SENP7: variants seen among roughly 807,000 people sequenced by gnomAD.
SENP7 encodes the protein SUMO specific peptidase 7, also known as sentrin-specific protease 7.
In SENP7, 64 loss-of-function variants were observed where a neutral mutation model predicts 141.2. The ratio of observed to expected loss-of-function variants is 0.45; its 90% CI spans 0.37 to 0.56. The LOEUF (loss-of-function observed/expected upper bound fraction) is 0.56. Among genes scored for constraint, SENP7 ranks in the 20% least tolerant of loss-of-function variants. The pLI is 0.00. For missense variants in SENP7, 1,025 were observed against 1,212.2 expected, an observed-to-expected ratio of 0.85 and a Z score of 2.29; for synonymous variants, 382 against 426.4, an observed-to-expected ratio of 0.90 and a Z score of 1.28.
At chr3:101,371,951 A>G (rs937209560) in intron 7 of SENP7, 57 bp downstream of exon 7, 2 of 623,748 alleles carry the variant, frequency 3.2e-6, no homozygotes, top group Non-Finnish European at 2.5e-6. Flanking sequence ...AACAAAAATT[A>G]TTATTAATAC....
chr3:101,501,046 G>A (rs781012869), intron 2 of SENP7, 24 bp downstream of exon 2: 52 of 1,541,076 alleles, frequency 3.4e-5, no homozygotes, highest in Non-Finnish European at 4.3e-5. Flanking sequence ...AAGATAATAG[G>A]TTAAAAGCAA....
Position 101,372,090 on chromosome 3 carries a change from A to G in SENP7, c.714T>C (p.Ser238=). The G allele has an allele frequency of 6.4e-7, 1 of 1,568,778 alleles. No homozygotes were observed. The highest frequency in any genetic ancestry group is 8.7e-7 in the Non-Finnish European group (1 of 1,150,512). The change falls in exon 7 of 24, where the codon TCT becomes TCC. Residue 238 remains serine, a synonymous_variant. Transcript: ENST00000394095. ...SQRSKTVDDN[S]AKQTAHNKEK... Reference sequence around the variant, plus strand: ...CTTTATTGTGCGCAGTCTGCTTTGCAGAATTGTCATCTACTGTCTTACTTC... The same window carrying G: ...CTTTATTGTGCGCAGTCTGCTTTGCGGAATTGTCATCTACTGTCTTACTTC...
intron 1 of SENP7, among the ~76,000 whole-genome samples, chr3:101,504,840 G>A (rs1576551486): frequency 6.6e-6 from 1 of 152,090 alleles, no homozygotes; most frequent in South Asian, 2.1e-4. Context: ...ACCACATGGT[G>A]AGACCCTGTC....
At chr3:101,402,914 G>A (rs1272226546) in intron 5 of SENP7, among the ~76,000 whole-genome samples, 1 of 152,166 alleles carries the variant, frequency 6.6e-6, no homozygotes, top group Non-Finnish European at 1.5e-5. Context: ...GGATCAAGAA[G>A]TAATTTCAAG....
chr3:101,387,851 A>G (rs1329986774), intron 6 of SENP7, among the ~76,000 whole-genome samples: 2 of 152,204 alleles, frequency 1.3e-5, no homozygotes, highest in Admixed American at 6.5e-5. Flanking sequence ...GAGCACATGT[A>G]TTGTCAGGGG....
intron 5 of SENP7, among the ~76,000 whole-genome samples, chr3:101,415,044 A>AG (rs1277026587): frequency 2.6e-5 from 4 of 152,364 alleles, no homozygotes; most frequent in African/African-American, 9.6e-5. Flanking sequence ...CCTGTTTACC[A>AG]GAAGTGTCAC....
In SENP7 at chr3:101,488,999, C is replaced by T. The variant is rs75074460; in HGVS notation, c.186+4874G>A. Among the ~76,000 whole-genome samples the T allele has an allele frequency of 3.9e-3, 593 of 152,228 alleles. 3 individuals carry two copies. The highest frequency in any genetic ancestry group is 0.014 in the African/African-American group (564 of 41,536). On this transcript the variant is annotated intron_variant, in intron 3 of 23. Transcript: ENST00000394095. Reference sequence around the variant, plus strand: ...CTTGCAAACCAGAAGAGATTGGGGGCCTCTTTTAGGCAACCTTAAAGAAAA... The same window carrying T: ...CTTGCAAACCAGAAGAGATTGGGGGTCTCTTTTAGGCAACCTTAAAGAAAA...
chr3:101,325,806 T>G lies in SENP7; in HGVS notation c.*137A>C. On this transcript the variant is annotated 3_prime_UTR_variant, in exon 24 of 24. Transcript: ENST00000394095. ...CAATTCTAATAATGTGTCCTACATA[T>G]TTTAAATAATGTTCCAATGACTTAT... 1.4e-6 allele frequency: 1 copy of G among 720,134 alleles called. No homozygotes were observed. The highest frequency in any genetic ancestry group is 2.1e-6 in the Non-Finnish European group (1 of 471,922). 44.6% of individuals were successfully genotyped at this position (720,134 alleles called of 1,614,324 possible).
At chr3:101,490,208 C>CAAAA (rs1235602719) in intron 3 of SENP7, among the ~76,000 whole-genome samples, 2 of 129,574 alleles carry the variant, frequency 1.5e-5, no homozygotes, top group African/African-American at 5.7e-5. Flanking sequence ...AACAAACAAA[C>CAAAA]AAAAAAAAAA....
intron 4 of SENP7, among the ~76,000 whole-genome samples, chr3:101,450,963 C>T (rs1261890372): frequency 6.6e-6 from 1 of 151,938 alleles, no homozygotes; most frequent in Non-Finnish European, 1.5e-5. Context: ...ATTGATAGAC[C>T]ACTAGCAAGA....
At chr3:101,457,755 G>A in intron 4 of SENP7, 7 of 755,844 alleles carry the variant, frequency 9.3e-6, no homozygotes, top group Non-Finnish European at 1.6e-5. Context: ...AAGGGGCCAT[G>A]CAGAGAACTA....
chr3:101,489,660 T>G (rs1261585702), intron 3 of SENP7, among the ~76,000 whole-genome samples: 1 of 152,116 alleles, frequency 6.6e-6, no homozygotes, highest in Non-Finnish European at 1.5e-5. Flanking sequence ...ATAAAACAAG[T>G]TTTGCTTGAC....
At chr3:101,432,210 G>T (rs1007324799) in intron 4 of SENP7, among the ~76,000 whole-genome samples, 7 of 152,320 alleles carry the variant, frequency 4.6e-5, no homozygotes, top group African/African-American at 1.7e-4. Flanking sequence ...CTGCTTTTGG[G>T]AAAGTGAGGG....
intron 11 of SENP7, among the ~76,000 whole-genome samples, 177 bp downstream of exon 11, chr3:101,361,538 A>G (rs2059902132): frequency 6.6e-6 from 1 of 152,024 alleles, no homozygotes; most frequent in African/African-American, 2.4e-5. Context: ...GGATTTTAGG[A>G]GGGGAGAATG....
intron 6 of SENP7, among the ~76,000 whole-genome samples, chr3:101,383,106 G>A (rs984474193): frequency 4.6e-5 from 7 of 152,206 alleles, no homozygotes; most frequent in Admixed American, 2.0e-4. Context: ...CCCCATGCTA[G>A]AGGTGAGGCC....
chr3:101,458,858 A>G lies in SENP7; in HGVS notation c.284+97T>C, dbSNP rs539480418. Reference sequence around the variant, plus strand: ...TGAATTCAAACCTTCTATTTTAAACATGTGGTCATAATTGAGAACCAACAA... The same window carrying G: ...TGAATTCAAACCTTCTATTTTAAACGTGTGGTCATAATTGAGAACCAACAA... On this transcript the variant is annotated intron_variant, in intron 4 of 23. Coordinates refer to ENST00000394095, the MANE Select transcript of SENP7 (RefSeq NM_020654.5). 3.2e-4 allele frequency: 213 copies of G among 658,696 alleles called. 1 individual carries two copies. The African/African-American group carries it at 3.4e-3, about 10-fold the overall frequency. 40.8% of individuals were successfully genotyped at this position (658,696 alleles called of 1,614,324 possible). A position where few individuals can be genotyped will look rare whatever the true frequency, so the allele number is the denominator to read the frequency against.
In SENP7 at chr3:101,383,692, C is replaced by A. The variant is rs59044339; in HGVS notation, c.678-11566G>T. On this transcript the variant is annotated intron_variant, in intron 6 of 23. Coordinates refer to ENST00000394095, the MANE Select transcript of SENP7 (RefSeq NM_020654.5). ...CACGCCAGCCCCCTGCCACCTCAGC[C>A]CCCTCTGGACTTTGGGGGCCAATGA... Among the ~76,000 whole-genome samples the A allele has an allele frequency of 8.4e-3, 1,284 of 152,314 alleles. 24 individuals carry two copies. Among genetic ancestry groups the A allele is most frequent in the African/African-American group, 0.029 (1,199 of 41,576 alleles).
intron 6 of SENP7, among the ~76,000 whole-genome samples, chr3:101,382,171 T>C (rs2107501466): frequency 6.6e-6 from 1 of 152,276 alleles, no homozygotes; most frequent in East Asian, 1.9e-4. Context: ...TTATGAAATA[T>C]TTTTCTTCTT....
chr3:101,414,895 C>T (rs553125647), intron 5 of SENP7, among the ~76,000 whole-genome samples: 2 of 152,306 alleles, frequency 1.3e-5, no homozygotes, highest in East Asian at 3.9e-4. Context: ...CAGTGCTTGT[C>T]CTGGCAGTAA....
Sources: gnomAD v4.1 joint callset for allele counts (sites outside exome capture counted in the v4.1 genomes callset) on GRCh38, gnomAD v4.1.1 for gene constraint, MANE v1.5 for transcripts, NCBI Gene and HGNC (gene_info 2026-07-23, HGNC 2026-07-21) for gene names.